The following C1QTNF5 variants were observed in gnomAD, a reference collection of about 807,000 sequenced individuals.
C1QTNF5 encodes C1q and TNF related 5.
In C1QTNF5, 5 loss-of-function variants were observed where a neutral mutation model predicts 10.9. The observed-to-expected ratio is 0.46, with a 90% CI of 0.24 to 0.97. The LOEUF (loss-of-function observed/expected upper bound fraction) is 0.97, where lower values mean the gene tolerates loss of function less well. C1QTNF5 is among the 50% of genes least tolerant of loss of function. C1QTNF5 has a pLI of 0.19. For synonymous variants in C1QTNF5, 161 were observed against 156.5 expected, an observed-to-expected ratio of 1.03 and a Z score of -0.22; for missense variants, 281 against 339.4, an observed-to-expected ratio of 0.83 and a Z score of 1.35.
At chr11:119,342,654 C>T (rs1565293150), upstream of C1QTNF5, 9 of 1,613,700 alleles carry the variant, frequency 5.6e-6, no homozygotes, top group Non-Finnish European at 6.8e-6. Flanking sequence ...TGCAGTCTCT[C>T]CACATGTCAC....
chr11:119,341,709 G>C (rs777456147), upstream of C1QTNF5: 1 of 1,613,098 alleles, frequency 6.2e-7, no homozygotes, highest in African/African-American at 1.3e-5. Context: ...GGGGTGCAAC[G>C]GGGCACAAGC....
At chr11:119,340,545 G>A in intron 1 of C1QTNF5, 105 bp from the exon 2 acceptor site, 1 of 816,930 alleles carries the variant, frequency 1.2e-6, no homozygotes, top group Non-Finnish European at 1.9e-6. Flanking sequence ...CCGTGCCCCT[G>A]AGGCTGAGCG....
upstream of C1QTNF5, chr11:119,341,850 A>G (rs371843390): frequency 1.4e-5 from 22 of 1,580,278 alleles, no homozygotes; most frequent in Middle Eastern, 1.7e-4. Flanking sequence ...CCCTCCACCC[A>G]GAAGACCTTG....
chr11:119,342,823 C>T (rs781215218), upstream of C1QTNF5: 3 of 1,613,052 alleles, frequency 1.9e-6, no homozygotes, highest in South Asian at 1.1e-5. Flanking sequence ...CTTGTCTGTC[C>T]CCCTGGAGGT....
chr11:119,344,289 C>T (rs545865741), upstream of C1QTNF5: 43 of 1,609,048 alleles, frequency 2.7e-5, no homozygotes, highest in Admixed American at 4.0e-4. Flanking sequence ...GTGCCCCTCC[C>T]GTTCTGCATG....
upstream of C1QTNF5, chr11:119,342,606 G>T: frequency 6.2e-7 from 1 of 1,613,242 alleles, no homozygotes; most frequent in Non-Finnish European, 8.5e-7. Context: ...CTGGGGGTGG[G>T]AACAAGGGGC....
At chr11:119,343,004 C>T, upstream of C1QTNF5, 1 of 1,600,746 alleles carries the variant, frequency 6.2e-7, no homozygotes, top group South Asian at 1.1e-5. Flanking sequence ...TCCACAGAAC[C>T]TGCCCAAAGC....
At chr11:119,345,677 G>A (rs1244058564), upstream of C1QTNF5, 6 of 1,608,556 alleles carry the variant, frequency 3.7e-6, no homozygotes, top group Non-Finnish European at 5.1e-6. Context: ...AAGGAGTGAG[G>A]TCCTTTATTC....
upstream of C1QTNF5, chr11:119,341,679 G>A (rs781334024): frequency 2.5e-6 from 4 of 1,613,130 alleles, no homozygotes; most frequent in East Asian, 8.9e-5. Flanking sequence ...GAGCGGCAAG[G>A]GGGCAGAACA....
At chr11:119,342,051 C>T (rs912892392), upstream of C1QTNF5, 2 of 1,600,848 alleles carry the variant, frequency 1.2e-6, no homozygotes, top group Non-Finnish European at 1.7e-6. Flanking sequence ...TGGCAAGTCA[C>T]CGAATCGCTC....
chr11:119,344,717 G>A (rs772000594), upstream of C1QTNF5: 2 of 1,614,096 alleles, frequency 1.2e-6, no homozygotes, highest in South Asian at 2.2e-5. Flanking sequence ...GTAGCAGGCA[G>A]ATGAGCTGGT....
chr11:119,341,979 C>A, upstream of C1QTNF5: 1 of 1,613,662 alleles, frequency 6.2e-7, no homozygotes, highest in Non-Finnish European at 8.5e-7. Flanking sequence ...GGCTCACAGG[C>A]CAGCTCTGCA....
the C1QTNF5 span, chr11:119,346,054 A>T: frequency 6.2e-7 from 1 of 1,611,072 alleles, no homozygotes; most frequent in Non-Finnish European, 8.5e-7. Context: ...ACGGGCCAGG[A>T]TGATGGCCAC....
chr11:119,340,786 G>T lies in C1QTNF5; in HGVS notation c.-135C>A, dbSNP rs962064583. 2.7e-5 allele frequency: 7 copies of T among 260,954 alleles called. 1 individual carries two copies. The highest frequency in any genetic ancestry group is 1.4e-4 in the South Asian group (3 of 21,980). The allele number at this position is 260,954 out of a possible 1,614,324, so 16.2% of individuals were successfully genotyped here. A position where few individuals can be genotyped will look rare whatever the true frequency, so the allele number is the denominator to read the frequency against. ...TGCTCCAGCCCCCGCGCTTCTCCCCGGCCAGGCGCCCCCTGCCCTGCCGTC... is the reference window on the plus strand; with the variant it reads ...TGCTCCAGCCCCCGCGCTTCTCCCCTGCCAGGCGCCCCCTGCCCTGCCGTC... On this transcript the variant is annotated 5_prime_UTR_variant, in exon 1 of 3. Transcript: ENST00000528368.
At chr11:119,342,907 G>A, upstream of C1QTNF5, 1 of 1,613,004 alleles carries the variant, frequency 6.2e-7, no homozygotes, top group South Asian at 1.1e-5. Flanking sequence ...AGGTGGCTGA[G>A]AAGCCTCCAC....
upstream of C1QTNF5, chr11:119,344,054 T>TGG: frequency 6.6e-7 from 1 of 1,506,624 alleles, no homozygotes; most frequent in Non-Finnish European, 9.1e-7. Flanking sequence ...CACTGCTGGC[T>TGG]GGGGGGATGG....
At chr11:119,344,559 G>A, upstream of C1QTNF5, 3 of 1,611,198 alleles carry the variant, frequency 1.9e-6, no homozygotes, top group Non-Finnish European at 1.7e-6. Flanking sequence ...TTTGAGGCTG[G>A]ACCAGAGCTG....
chr11:119,344,719 T>C, upstream of C1QTNF5: 9 of 1,614,046 alleles, frequency 5.6e-6, no homozygotes, highest in African/African-American at 1.3e-5. Flanking sequence ...AGCAGGCAGA[T>C]GAGCTGGTCA....
At chr11:119,344,968 G>A, upstream of C1QTNF5, 1 of 1,608,648 alleles carries the variant, frequency 6.2e-7, no homozygotes, top group Non-Finnish European at 8.5e-7. Context: ...GGCTGGCATT[G>A]GTGTTGAGCG....
Sources: allele counts gnomAD v4.1 joint callset, GRCh38; gene constraint gnomAD v4.1.1; transcripts MANE v1.5; gene names NCBI Gene and HGNC (gene_info 2026-07-23, HGNC 2026-07-21).